The following HUWE1 variants were observed in gnomAD, a reference collection of about 807,000 sequenced individuals.
The protein encoded by HUWE1 is E3 ubiquitin-protein ligase HUWE1.
Under a neutral mutation model 299.4 loss-of-function variants are expected in HUWE1, and 18 were observed. The observed-to-expected ratio is 0.06, with a 90% CI of 0.04 to 0.09. The LOEUF is 0.09. Among genes scored for constraint, HUWE1 ranks in the 10% least tolerant of loss-of-function variants. The pLI, the probability that HUWE1 is intolerant of heterozygous loss-of-function variation, is 1.00. For missense variants in HUWE1, 1,832 were observed against 3,462.3 expected, an observed-to-expected ratio of 0.53 and a Z score of 11.82; for synonymous variants, 1,317 against 1,286.1, an observed-to-expected ratio of 1.02 and a Z score of -0.51.
At chrX:53,570,498 G>A (rs2062774771) in intron 47 of HUWE1, among the ~76,000 whole-genome samples, 1 of 112,065 alleles carries the variant, frequency 8.9e-6, no homozygotes, top group African/African-American at 3.2e-5. Context: ...ATTATTTACT[G>A]ACACCTACAA....
chrX:53,670,165 C>A (rs955160010), intron 3 of HUWE1, among the ~76,000 whole-genome samples: 6 of 111,631 alleles, frequency 5.4e-5, no homozygotes, highest in Non-Finnish European at 9.4e-5. Flanking sequence ...GTTAAAAGGG[C>A]AAAGAAACTG....
chrX:53,563,928 T>C, intron 51 of HUWE1, 107 bp from the exon 52 acceptor site: 2 of 876,578 alleles, frequency 2.3e-6, no homozygotes, highest in Admixed American at 2.6e-5. Flanking sequence ...TAGGATAACA[T>C]GTGACAGAGG....
At chrX:53,668,385 T>C (rs1557048316) in intron 3 of HUWE1, among the ~76,000 whole-genome samples, 4 of 102,496 alleles carry the variant, frequency 3.9e-5, no homozygotes, top group Admixed American at 3.3e-4. Flanking sequence ...GAGGTTGCAG[T>C]GAGTCGAGAT....
At chrX:53,533,690 A>C (rs1387415048) in intron 83 of HUWE1, 1 of 435,892 alleles carries the variant, frequency 2.3e-6, no homozygotes, top group Non-Finnish European at 4.0e-6. Flanking sequence ...TGGTTTTCAG[A>C]GTCACTGGTA....
At position 53,677,865 on chromosome X, in the gene HUWE1, T is replaced by C. The variant is rs180915698; in HGVS notation, c.-25+2184A>G. On this transcript the variant is annotated intron_variant, in intron 3 of 83. Transcript: ENST00000262854. ...TCCTCAGACTCATCAATCTTTTAAA[T>C]CTAAATGGTTATAGTGAAAGGTCAT... Among the ~76,000 whole-genome samples, 4 of 111,748 alleles carry C rather than the reference T, an allele frequency of 3.6e-5. No individual in the cohort carries two copies. The East Asian group carries it at 1.1e-3, about 31-fold the overall frequency.
intron 7 of HUWE1, among the ~76,000 whole-genome samples, chrX:53,643,855 A>T (rs1200982947): frequency 9.0e-6 from 1 of 111,560 alleles, no homozygotes; most frequent in Non-Finnish European, 1.9e-5. Context: ...TCTCGGTCTC[A>T]CTCTGTTGCC....
Position 53,532,721 on chromosome X carries a change from A to G in HUWE1, c.*588T>C, listed in dbSNP as rs2060825952. ...CCTGGAGAATCCATCTTTTCTCCAG[A>G]TGCCTAGCATGTGCTTAAGAGTTTT... On this transcript the variant is annotated 3_prime_UTR_variant, in exon 84 of 84. Coordinates refer to ENST00000262854, the MANE Select transcript of HUWE1 (RefSeq NM_031407.7). The G allele has an allele frequency of 3.7e-5, 4 of 109,528 alleles. No individual in the cohort carries two copies. Among genetic ancestry groups the G allele is most frequent in the Admixed American group, 2.9e-4 (3 of 10,208 alleles). 9.0% of individuals were successfully genotyped at this position (109,528 alleles called of 1,213,427 possible).
At chrX:53,678,090 TAAATTA>T (rs1221327268) in intron 3 of HUWE1, among the ~76,000 whole-genome samples, 2 of 112,306 alleles carry the variant, frequency 1.8e-5, no homozygotes, top group Non-Finnish European at 3.8e-5. Context: ...ACATTCATAA[TAAATTA>T]AAACATTCCA....
chrX:53,649,463 C>T (rs939870630), intron 4 of HUWE1, among the ~76,000 whole-genome samples: 14 of 112,173 alleles, frequency 1.2e-4, no homozygotes, highest in South Asian at 3.7e-4. Context: ...AACGTATTTT[C>T]GGCATCTGAA....
intron 4 of HUWE1, among the ~76,000 whole-genome samples, chrX:53,651,347 G>A (rs2017708100): frequency 9.3e-6 from 1 of 107,847 alleles, no homozygotes; most frequent in Non-Finnish European, 1.9e-5. Flanking sequence ...AATACTTAAC[G>A]TGAGATCTAC....
At chrX:53,602,961 C>G (rs1255782813) in intron 27 of HUWE1, among the ~76,000 whole-genome samples, 1 of 108,442 alleles carries the variant, frequency 9.2e-6, no homozygotes, top group African/African-American at 3.4e-5. Flanking sequence ...AAGCAATTCT[C>G]CTGCCTCAGC....
chrX:53,597,985 C>T (rs1440501407), intron 29 of HUWE1, among the ~76,000 whole-genome samples: 15 of 111,447 alleles, frequency 1.3e-4, no homozygotes, highest in African/African-American at 4.9e-4. Flanking sequence ...TTTATGACAG[C>T]GCCAATCAAG....
chrX:53,542,845 TTGTGTGTGTGTGTGTG>T (rs57187405), intron 73 of HUWE1: 100 of 164,015 alleles, frequency 6.1e-4, no homozygotes, highest in East Asian at 1.6e-3. Flanking sequence ...TCTTCTTCTG[TTGTGTGTGTGTGTGTG>T]TGTGTGTGTG....
intron 4 of HUWE1, among the ~76,000 whole-genome samples, chrX:53,653,162 CAAAAA>C (rs1302399528): frequency 1.8e-5 from 2 of 111,257 alleles, no homozygotes; most frequent in Non-Finnish European, 3.8e-5. Flanking sequence ...AACAAACAAA[CAAAAA>C]AAACTGGAAG....
intron 3 of HUWE1, 113 bp from the exon 4 acceptor site, chrX:53,654,244 A>G: frequency 1.9e-6 from 1 of 522,055 alleles, no homozygotes. Flanking sequence ...CTTAAAGTAA[A>G]AACACTGGAG....
rs1556939539 is a variant in HUWE1 at position 53,560,218 on chromosome X, C to A, written c.7706G>T (p.Arg2569Leu). 1 of 1,197,754 alleles carries A rather than the reference C, an allele frequency of 8.3e-7. No individual in the cohort carries two copies. Residue 2569 changes from arginine (R) to leucine (L), a missense_variant, in exon 56 of 84, where the codon CGC becomes CTC. Transcript: ENST00000262854. ...CAGTATAAGAGGAGGGTTGGGCTGGCGATTCCCAGGGTAGTGAACATGAAT... is the reference window on the plus strand; with the variant it reads ...CAGTATAAGAGGAGGGTTGGGCTGGAGATTCCCAGGGTAGTGAACATGAAT... Reference protein sequence around the residue: ...HTIHVHYPGNRQPNPPLILQR... With the variant: ...HTIHVHYPGNLQPNPPLILQR...
intron 49 of HUWE1, among the ~76,000 whole-genome samples, chrX:53,565,662 C>T (rs1201678864): frequency 2.8e-5 from 3 of 108,181 alleles, no homozygotes; most frequent in African/African-American, 1.0e-4. Context: ...GACAGGGTCT[C>T]GCTGTGTCAC....
At chrX:53,577,691 G>GTTTT (rs782154597) in intron 43 of HUWE1, among the ~76,000 whole-genome samples, 1 of 97,207 alleles carries the variant, frequency 1.0e-5, no homozygotes, top group Non-Finnish European at 2.1e-5. Flanking sequence ...ACTGGTTTTC[G>GTTTT]TTTTTTTTTT....
At chrX:53,674,756 T>C (rs1440160739) in intron 3 of HUWE1, among the ~76,000 whole-genome samples, 1 of 111,590 alleles carries the variant, frequency 9.0e-6, no homozygotes, top group Non-Finnish European at 1.9e-5. Context: ...TAGACCACAC[T>C]GTCCTACATT....
Sources: gnomAD v4.1 joint callset for allele counts (sites outside exome capture counted in the v4.1 genomes callset) on GRCh38, gnomAD v4.1.1 for gene constraint, MANE v1.5 for transcripts, NCBI Gene and HGNC (gene_info 2026-07-23, HGNC 2026-07-21) for gene names.